The following MSRB3 variants were observed in gnomAD, a reference collection of about 807,000 sequenced individuals.
MSRB3 encodes the protein methionine-R-sulfoxide reductase B3.
A neutral mutation model predicts 21.0 loss-of-function variants in MSRB3; 13 were observed. That is an observed-to-expected ratio of 0.62 (90% CI 0.40 to 0.98). The LOEUF (loss-of-function observed/expected upper bound fraction) is 0.98, where lower values mean the gene tolerates loss of function less well. MSRB3 is among the 50% of genes least tolerant of loss of function. MSRB3 has a pLI of 0.00. For synonymous variants in MSRB3, 87 were observed against 88.6 expected, an observed-to-expected ratio of 0.98 and a Z score of 0.10; for missense variants, 199 against 230.3, an observed-to-expected ratio of 0.86 and a Z score of 0.88.
intron 6 of MSRB3, among the ~76,000 whole-genome samples, chr12:65,456,597 A>C (rs781440943): frequency 2.0e-5 from 3 of 152,212 alleles, no homozygotes; most frequent in Non-Finnish European, 2.9e-5. Flanking sequence ...TTCTTTCCTA[A>C]CAGTTGTGTG....
chr12:65,449,907 A>AT (rs201358218), intron 5 of MSRB3, among the ~76,000 whole-genome samples: 3,687 of 152,294 alleles, frequency 0.024, 64 homozygotes, highest in Non-Finnish European at 0.031. Flanking sequence ...TGTTTCACAG[A>AT]TTTTTTTAAA....
intron 1 of MSRB3, among the ~76,000 whole-genome samples, chr12:65,283,425 C>T (rs1047914404): frequency 2.0e-5 from 3 of 151,780 alleles, no homozygotes; most frequent in African/African-American, 7.3e-5. Flanking sequence ...GTCAGTGAAT[C>T]ACCTAGAATT....
At chr12:65,375,628 T>C (rs916882547) in intron 5 of MSRB3, among the ~76,000 whole-genome samples, 1 of 151,888 alleles carries the variant, frequency 6.6e-6, no homozygotes, top group African/African-American at 2.4e-5. Flanking sequence ...TTGTAGAGAC[T>C]GGATCTTGCC....
chr12:65,314,439 C>T (rs1413579493), intron 2 of MSRB3, among the ~76,000 whole-genome samples: 1 of 151,984 alleles, frequency 6.6e-6, no homozygotes, highest in Non-Finnish European at 1.5e-5. Context: ...TAAATGAGTA[C>T]TCTGATGCAG....
rs190113781 is a variant in MSRB3, at chr12:65,447,598, A to T, written c.293-6130A>T. 2.5e-4 allele frequency among the ~76,000 whole-genome samples: 38 copies of T among 152,322 alleles called. No homozygotes were observed. The East Asian group carries it at 6.7e-3, about 27-fold the overall frequency. ...TTAAAATGGTATATTTTGTTTCTGG[A>T]TATAGACATGTGTAGAAGATTAATC... is the stretch of plus-strand genomic sequence containing the variant. On this transcript the variant is annotated intron_variant, in intron 5 of 6. Coordinates refer to ENST00000308259, the MANE Select transcript of MSRB3 (RefSeq NM_001031679.3).
At chr12:65,353,858 T>G (rs1389438535) in intron 4 of MSRB3, among the ~76,000 whole-genome samples, 1 of 151,892 alleles carries the variant, frequency 6.6e-6, no homozygotes, top group East Asian at 1.9e-4. Context: ...TTGCAGCGGC[T>G]GGTACTGGTT....
intron 5 of MSRB3, among the ~76,000 whole-genome samples, chr12:65,395,979 A>G (rs1041050630): frequency 5.3e-5 from 8 of 151,906 alleles, no homozygotes; most frequent in African/African-American, 1.9e-4. Context: ...GATTTTCTCT[A>G]TTGATTTCCT....
chr12:65,336,622 C>T (rs1407448667), intron 4 of MSRB3, among the ~76,000 whole-genome samples: 1 of 152,198 alleles, frequency 6.6e-6, no homozygotes, highest in Non-Finnish European at 1.5e-5. Context: ...AAACTTTTAA[C>T]TGTAATTCAT....
At chr12:65,440,185 G>C (rs1385747171) in intron 5 of MSRB3, among the ~76,000 whole-genome samples, 1 of 151,636 alleles carries the variant, frequency 6.6e-6, no homozygotes, top group African/African-American at 2.4e-5. Context: ...TCCTGATTAA[G>C]ATCTGAATGC....
At chr12:65,446,598 A>AGAGATATCTTT (rs980552124) in intron 5 of MSRB3, among the ~76,000 whole-genome samples, 3 of 152,212 alleles carry the variant, frequency 2.0e-5, no homozygotes, top group Admixed American at 6.5e-5. Context: ...CTCTCTCCCA[A>AGAGATATCTTT]GAGATATCTT....
chr12:65,463,363 A>G lies in MSRB3; in HGVS notation c.*41A>G. The G allele has an allele frequency of 6.2e-7, 1 of 1,608,256 alleles. No individual in the cohort carries two copies. Among genetic ancestry groups the G allele is most frequent in the Non-Finnish European group, 8.5e-7 (1 of 1,176,296 alleles). ...TGGAAACAAAGTGTACTTAATGCACAGCTTATTAAAAAAATCAAAATTGTT... is the reference window on the plus strand; with the variant it reads ...TGGAAACAAAGTGTACTTAATGCACGGCTTATTAAAAAAATCAAAATTGTT... On this transcript the variant is annotated 3_prime_UTR_variant, in exon 7 of 7. Coordinates refer to ENST00000308259, the MANE Select transcript of MSRB3 (RefSeq NM_001031679.3).
At chr12:65,323,310 G>A (rs1411985267) in intron 2 of MSRB3, among the ~76,000 whole-genome samples, 1 of 152,310 alleles carries the variant, frequency 6.6e-6, no homozygotes, top group East Asian at 1.9e-4. Flanking sequence ...CACAGGACAA[G>A]CTTCGCTATA....
At chr12:65,351,866 C>T (rs1877022607) in intron 4 of MSRB3, among the ~76,000 whole-genome samples, 1 of 151,992 alleles carries the variant, frequency 6.6e-6, no homozygotes, top group East Asian at 1.9e-4. Context: ...GGATTCACAG[C>T]CGAATTCTAT....
chr12:65,450,773 T>C (rs904879868), intron 5 of MSRB3, among the ~76,000 whole-genome samples: 15 of 152,326 alleles, frequency 9.8e-5, no homozygotes, highest in Admixed American at 9.8e-4. Flanking sequence ...TATTACCCTT[T>C]GAAGCACTTT....
intron 5 of MSRB3, among the ~76,000 whole-genome samples, chr12:65,395,250 C>T (rs917799259): frequency 2.0e-5 from 3 of 151,994 alleles, no homozygotes; most frequent in Admixed American, 6.6e-5. Context: ...ACGGATTACT[C>T]GAGGTCAGGA....
At chr12:65,365,262 G>T (rs1274013729) in intron 4 of MSRB3, among the ~76,000 whole-genome samples, 1 of 152,156 alleles carries the variant, frequency 6.6e-6, no homozygotes, top group Non-Finnish European at 1.5e-5. Context: ...GAGACCCAGT[G>T]TGCACCTCAC....
intron 1 of MSRB3, among the ~76,000 whole-genome samples, chr12:65,302,768 C>T (rs1238788836): frequency 1.3e-5 from 2 of 152,084 alleles, no homozygotes; most frequent in Non-Finnish European, 2.9e-5. Flanking sequence ...GCATAAACTG[C>T]TAGGCACTGG....
At chr12:65,435,365 A>G (rs1297043170) in intron 5 of MSRB3, among the ~76,000 whole-genome samples, 1 of 151,912 alleles carries the variant, frequency 6.6e-6, no homozygotes, top group Non-Finnish European at 1.5e-5. Flanking sequence ...CTGCCAGGCT[A>G]CGTAATCCTA....
chr12:65,371,760 C>T (rs922889176), intron 5 of MSRB3, among the ~76,000 whole-genome samples: 23 of 152,132 alleles, frequency 1.5e-4, no homozygotes, highest in African/African-American at 5.5e-4. Context: ...ATTGCCAGCA[C>T]ATGGTAAAAA....
Sources: gnomAD v4.1 joint callset for allele counts (sites outside exome capture counted in the v4.1 genomes callset) on GRCh38, gnomAD v4.1.1 for gene constraint, MANE v1.5 for transcripts, NCBI Gene and HGNC (gene_info 2026-07-23, HGNC 2026-07-21) for gene names.